CACNA1C: variants seen among roughly 807,000 people sequenced by gnomAD.
CACNA1C encodes the protein calcium voltage-gated channel subunit alpha1 C.
Under a neutral mutation model 229.0 loss-of-function variants are expected in CACNA1C, and 30 were observed. The observed-to-expected ratio is 0.13, with a 90% CI of 0.10 to 0.18. The LOEUF is 0.18. CACNA1C is among the 10% of genes least tolerant of loss of function. The pLI is 1.00. For synonymous variants in CACNA1C, 1,114 were observed against 1,132.5 expected (o/e 0.98, Z 0.33); for missense variants, 1,658 against 2,845.0 (o/e 0.58, Z 9.49).
rs914945216 is a variant in CACNA1C, at chr12:2,106,506, C to G, written c.50-8718C>G. Among the ~76,000 whole-genome samples, 9 of 99,056 alleles carry G rather than the reference C, an allele frequency of 9.1e-5. 1 individual carries two copies. The highest frequency in any genetic ancestry group is 1.2e-4 in the African/African-American group (3 of 24,738). The allele number at this position is 99,056 out of a possible 152,430, so 65.0% of individuals were successfully genotyped here. A position where few individuals can be genotyped will look rare whatever the true frequency, so the allele number is the denominator to read the frequency against. ...CCCACCCCGGGGAGGGTTTCCACCT[C>G]AGCTGGGTGTCCTGAAGCCACTGGG... On this transcript the variant is annotated intron_variant, in intron 1 of 46. Coordinates refer to ENST00000399655, the MANE Select transcript of CACNA1C (RefSeq NM_000719.7).
At chr12:2,514,385 A>C (rs1466164175) in intron 9 of CACNA1C, among the ~76,000 whole-genome samples, 1 of 152,234 alleles carries the variant, frequency 6.6e-6, no homozygotes, top group East Asian at 1.9e-4. Flanking sequence ...TGTTAACAAC[A>C]TAATGTAGTA....
chr12:2,450,328 G>A (rs539849577), intron 4 of CACNA1C, among the ~76,000 whole-genome samples: 2 of 152,126 alleles, frequency 1.3e-5, no homozygotes, highest in East Asian at 1.9e-4. Context: ...GCCAAGGCGG[G>A]CGGATCACGA....
intron 1 of CACNA1C, among the ~76,000 whole-genome samples, chr12:2,025,771 C>A (rs2047216438): frequency 6.6e-6 from 1 of 152,206 alleles, no homozygotes; most frequent in African/African-American, 2.4e-5. Context: ...CATTACCAAT[C>A]TCTATTGTTC....
chr12:2,313,456 G>T lies in CACNA1C; in HGVS notation c.478-135520G>T, dbSNP rs571944125. Among the ~76,000 whole-genome samples the T allele has an allele frequency of 6.9e-4, 105 of 152,308 alleles. 1 individual carries two copies. The highest frequency in any genetic ancestry group is 2.3e-3 in the African/African-American group (96 of 41,556). ...CCCTCTGGTAGGACACGAATCAGCA[G>T]GAAACTGGCTTGCAGGTCTTTGGAA... On this transcript the variant is annotated intron_variant, in intron 3 of 46. Transcript: ENST00000399655.
intron 3 of CACNA1C, among the ~76,000 whole-genome samples, chr12:2,378,308 C>T (rs1266015193): frequency 2.0e-5 from 3 of 152,230 alleles, no homozygotes; most frequent in Admixed American, 6.5e-5. Context: ...AAGGGAAGCA[C>T]GGGCCTCTGC....
At chr12:2,509,713 C>CA (rs1269845405) in intron 8 of CACNA1C, among the ~76,000 whole-genome samples, 2 of 152,052 alleles carry the variant, frequency 1.3e-5, no homozygotes, top group Non-Finnish European at 2.9e-5. Context: ...AAATCACCAA[C>CA]AAAAAGCACA....
intron 3 of CACNA1C, among the ~76,000 whole-genome samples, chr12:2,294,705 TAGTTA>T (rs985730362): frequency 2.0e-5 from 3 of 152,186 alleles, no homozygotes; most frequent in Non-Finnish European, 4.4e-5. Context: ...ATGGCTTTGT[TAGTTA>T]ATATGTAACA....
chr12:2,041,270 C>CTTTT (rs58922699), intron 1 of CACNA1C, among the ~76,000 whole-genome samples: 2,281 of 90,870 alleles, frequency 0.025, 208 homozygotes, highest in African/African-American at 0.051. Flanking sequence ...TAAGGGTATT[C>CTTTT]TTTTTTTTTT....
chr12:2,477,063 C>T (rs915020774), intron 5 of CACNA1C, among the ~76,000 whole-genome samples: 2 of 152,314 alleles, frequency 1.3e-5, no homozygotes, highest in African/African-American at 2.4e-5. Context: ...TTTTGAAAGC[C>T]ATTAAGCCTG....
At chr12:2,541,197 G>C (rs1362210049) in intron 9 of CACNA1C, among the ~76,000 whole-genome samples, 1 of 152,090 alleles carries the variant, frequency 6.6e-6, no homozygotes, top group Non-Finnish European at 1.5e-5. Context: ...AGGTATGCGG[G>C]GGCTGGGACC....
Position 2,690,981 on chromosome 12 carries a change from T to C in CACNA1C, c.6199T>C (p.Cys2067Arg). ...EVTTQELADA[C>R]DMTIEEMESA... ...CACCACCCAGGAGCTGGCCGACGCC[T>C]GCGACATGACCATAGAGGAGATGGA... is the stretch of plus-strand genomic sequence containing the variant. The change falls in exon 47 of 47, where the codon TGC becomes CGC. Residue 2067 changes from cysteine (C) to arginine (R), a missense_variant. By Grantham distance (180) the Cys-to-Arg change is radical. Around this residue, in one of 20 missense-constraint regions of CACNA1C, gnomAD observed 590 missense variants for 700.8 expected, o/e 0.84. Transcript: ENST00000399655. The C allele has an allele frequency of 6.2e-7, 1 of 1,600,122 alleles. No individual in the cohort carries two copies. The highest frequency in any genetic ancestry group is 8.5e-7 in the Non-Finnish European group (1 of 1,173,314).
At chr12:2,102,458 T>C (rs1372470272) in intron 1 of CACNA1C, among the ~76,000 whole-genome samples, 7 of 152,162 alleles carry the variant, frequency 4.6e-5, no homozygotes, top group African/African-American at 9.7e-5. Context: ...GTCCCCTCAG[T>C]GTGGTACCTG....
At chr12:2,668,131 T>TCTCC (rs1462579471) in intron 37 of CACNA1C, among the ~76,000 whole-genome samples, 2 of 151,788 alleles carry the variant, frequency 1.3e-5, no homozygotes, top group Non-Finnish European at 2.9e-5. Flanking sequence ...CTTTCTCTTC[T>TCTCC]CTGGGCTGTG....
At chr12:2,360,673 C>A (rs185055855) in intron 3 of CACNA1C, among the ~76,000 whole-genome samples, 1 of 152,296 alleles carries the variant, frequency 6.6e-6, no homozygotes, top group East Asian at 1.9e-4. Flanking sequence ...CTCCCCGTTG[C>A]AGTTTCTTTC....
Position 2,690,984 on chromosome 12 carries a change from G to A in CACNA1C, c.6202G>A (p.Asp2068Asn). 2 of 1,600,496 alleles carry A rather than the reference G, an allele frequency of 1.2e-6. No homozygotes were observed. Among genetic ancestry groups the A allele is most frequent in the Non-Finnish European group, 8.5e-7 (1 of 1,173,556 alleles). ...CACCCAGGAGCTGGCCGACGCCTGC[G>A]ACATGACCATAGAGGAGATGGAGAG... is the stretch of plus-strand genomic sequence containing the variant. ...VTTQELADACDMTIEEMESAA... is the reference protein window; with the variant it reads ...VTTQELADACNMTIEEMESAA... The change falls in exon 47 of 47, where the codon GAC (aspartate) becomes AAC (asparagine). Residue 2068 changes from aspartate to asparagine, a missense_variant. Transcript: ENST00000399655.
intron 1 of CACNA1C, among the ~76,000 whole-genome samples, chr12:1,973,124 C>T (rs921188671): frequency 9.9e-5 from 15 of 152,202 alleles, no homozygotes; most frequent in African/African-American, 2.7e-4. Context: ...TGACCAAACA[C>T]GGACACAATC....
intron 1 of CACNA1C, among the ~76,000 whole-genome samples, chr12:2,003,059 G>A (rs2042552890): frequency 6.6e-6 from 1 of 152,178 alleles, no homozygotes; most frequent in East Asian, 1.9e-4. Flanking sequence ...TTGGCTACTA[G>A]GAGAGCAGAC....
intron 1 of CACNA1C, among the ~76,000 whole-genome samples, chr12:2,102,664 C>T (rs562829287): frequency 1.3e-5 from 2 of 152,036 alleles, no homozygotes; most frequent in Non-Finnish European, 2.9e-5. Flanking sequence ...ATAGACATGC[C>T]GTGGTGGTTT....
chr12:2,284,016 CA>C (rs1249567940), intron 3 of CACNA1C, among the ~76,000 whole-genome samples: 2 of 152,278 alleles, frequency 1.3e-5, no homozygotes, highest in African/African-American at 4.8e-5. Context: ...AACAAAACAG[CA>C]GTATACCCGG....
Sources: gnomAD v4.1 joint callset for allele counts (sites outside exome capture counted in the v4.1 genomes callset) on GRCh38, gnomAD v4.1.1 for gene constraint, gnomAD v4.1.1 regional missense constraint, MANE v1.5 for transcripts, NCBI Gene and HGNC (gene_info 2026-07-23, HGNC 2026-07-21) for gene names.